Variants in EPHB3 observed in about 807,000 individuals in gnomAD.
The protein encoded by EPHB3 is EPH receptor B3.
In EPHB3, 33 loss-of-function variants were observed where a neutral mutation model predicts 100.2. The observed-to-expected ratio is 0.33, with a 90% confidence interval of 0.25 to 0.44. EPHB3 has a LOEUF of 0.44. Ranked by LOEUF, EPHB3 falls within the 20% of genes least tolerant of loss-of-function variation. The pLI is 1.00. For missense variants in EPHB3, 1,045 were observed against 1,378.3 expected (o/e 0.76, Z 3.83); for synonymous variants, 526 against 554.7 (o/e 0.95, Z 0.73).
chr3:184,575,873 C>T lies in EPHB3; in HGVS notation c.900C>T (p.Pro300=), dbSNP rs1419165157. The T allele has an allele frequency of 1.9e-6, 3 of 1,613,442 alleles. No individual in the cohort carries two copies. The highest frequency in any genetic ancestry group is 2.7e-5 in the African/African-American group (2 of 75,020). Residue 300 remains proline, a synonymous_variant, in exon 4 of 16, where the codon CCC becomes CCT. Coordinates refer to ENST00000330394, the MANE Select transcript of EPHB3 (RefSeq NM_004443.4). Reference sequence around the variant, plus strand: ...ACAAGGCGAAGCAGGGAGAGGGGCCCTGCCTCCCATGTCCCCCCAACAGCC... The same window carrying T: ...ACAAGGCGAAGCAGGGAGAGGGGCCTTGCCTCCCATGTCCCCCCAACAGCC... ...GSYKAKQGEG[P]CLPCPPNSRT... is the part of the protein sequence containing the mutation.
In EPHB3 at chr3:184,581,685, G is replaced by T; in HGVS notation, c.*63G>T. The T allele has an allele frequency of 1.4e-6, 2 of 1,433,934 alleles. No homozygotes were observed. Among genetic ancestry groups the T allele is most frequent in the South Asian group, 1.4e-5 (1 of 70,242 alleles). The allele number at this position is 1,433,934 out of a possible 1,614,324, so 88.8% of individuals were successfully genotyped here. The stretch of plus-strand genomic sequence containing the variant: ...ATGCCAAGCAGCCGGCTGGACTTTC[G>T]GACTCTTGGACTTTTGGATGCCTGG... On this transcript the variant is annotated 3_prime_UTR_variant, in exon 16 of 16. Transcript: ENST00000330394.
At position 184,571,774 on chromosome 3, in the gene EPHB3, CT is replaced by C. The variant is rs1403046781; in HGVS notation, c.183+393del. On this transcript the variant is annotated intron_variant, in intron 2 of 15. Transcript: ENST00000330394. The surrounding 1 kb of genome is among the most constrained non-coding windows in gnomAD (Gnocchi z 5.0). Reference sequence around the variant, plus strand: ...TGACCTTGGGCAAGGCCGTTTACCCCTCTGGGTGGCCACTTCTTGACTGTTA... The same window carrying C: ...TGACCTTGGGCAAGGCCGTTTACCCCCTGGGTGGCCACTTCTTGACTGTTA... Among the ~76,000 whole-genome samples the C allele has an allele frequency of 3.9e-5, 6 of 152,144 alleles. No homozygotes were observed.
At position 184,567,480 on chromosome 3, in the gene EPHB3, G is replaced by GGTGTGTGT. The variant is rs58429187; in HGVS notation, c.119-3811_119-3804dup. Among the ~76,000 whole-genome samples, 1,206 of 148,654 alleles carry GGTGTGTGT rather than the reference G, an allele frequency of 8.1e-3. 11 individuals are homozygous for GGTGTGTGT. Among genetic ancestry groups the GGTGTGTGT allele is most frequent in the African/African-American group, 0.014 (573 of 40,290 alleles). ...CCCATAAACAGAACCATGCTTGCAGGGTGTGTGTGTGTGTGTGTGTGTGTG... is the reference window on the plus strand; with the variant it reads ...CCCATAAACAGAACCATGCTTGCAGGGTGTGTGTGTGTGTGTGTGTGTGTGTGTGTGTG... On this transcript the variant is annotated intron_variant, in intron 1 of 15. Transcript: ENST00000330394.
At chr3:184,570,677 C>T (rs766528496) in intron 1 of EPHB3, among the ~76,000 whole-genome samples, 23 of 152,252 alleles carry the variant, frequency 1.5e-4, no homozygotes, top group Admixed American at 3.3e-4. Flanking sequence ...GTCTGGAGCA[C>T]ACAGCCCTTT....
rs1714290668 is a variant in EPHB3, at chr3:184,562,769, G to A, written c.118+416G>A. 6.6e-6 allele frequency among the ~76,000 whole-genome samples: 1 copy of A among 152,210 alleles called. No homozygotes were observed. Among genetic ancestry groups the A allele is most frequent in the African/African-American group, 2.4e-5 (1 of 41,464 alleles). ...GGGGCGAAGCGGGACTCCCCGGGTT[G>A]GGGGGCGCTAATGAGGAGCCCGTTG... On this transcript the variant is annotated intron_variant, in intron 1 of 15. Transcript: ENST00000330394. The surrounding 1 kb of genome is among the most constrained non-coding windows in gnomAD (Gnocchi z 4.8).
chr3:184,567,373 C>A (rs189475124), intron 1 of EPHB3, among the ~76,000 whole-genome samples: 1 of 152,284 alleles, frequency 6.6e-6, no homozygotes, highest in Admixed American at 6.5e-5. Context: ...CCTGCCTGAG[C>A]GAGAGGCACC....
At position 184,562,788 on chromosome 3, in the gene EPHB3, C is replaced by G. The variant is rs936390974; in HGVS notation, c.118+435C>G. On this transcript the variant is annotated intron_variant, in intron 1 of 15. Coordinates refer to ENST00000330394, the MANE Select transcript of EPHB3 (RefSeq NM_004443.4). This position sits in a 1 kb window ranked among gnomAD's most constrained non-coding sequence, Gnocchi z 4.8. ...CGGGTTGGGGGGCGCTAATGAGGAG[C>G]CCGTTGGAGTTAACTGTGAGAGTGT... 1.2e-4 allele frequency among the ~76,000 whole-genome samples: 19 copies of G among 152,190 alleles called. No homozygotes were observed. Among genetic ancestry groups the G allele is most frequent in the Non-Finnish European group, 2.2e-4 (15 of 68,026 alleles).
rs759318725 is a variant in EPHB3, at chr3:184,562,315, C to CGCTGCT, written c.89_94dup (p.Leu30_Leu31dup). ...CTGCTCCCTCCGCTGCTGCTGCTGC[C>CGCTGCT]GCTGCTGCTGCTGCCCGCCGGCTGC... On this transcript the variant is annotated inframe_insertion, in exon 1 of 16. Coordinates refer to ENST00000330394, the MANE Select transcript of EPHB3 (RefSeq NM_004443.4). This position sits in a 1 kb window ranked among gnomAD's most constrained non-coding sequence, Gnocchi z 4.8. 7.2e-6 allele frequency: 9 copies of CGCTGCT among 1,249,970 alleles called. No individual in the cohort carries two copies. In the East Asian group the frequency reaches 3.1e-4, roughly 42 times the overall value. The allele number at this position is 1,249,970 out of a possible 1,614,324, so 77.4% of individuals were successfully genotyped here. A position where few individuals can be genotyped will look rare whatever the true frequency, so the allele number is the denominator to read the frequency against.
In EPHB3 at chr3:184,563,046, C is replaced by CA. The variant is rs1247913478; in HGVS notation, c.118+694dup. Reference sequence around the variant, plus strand: ...TAGCAGCAGAGCCCGGCGCCTTCCTCAGTAGCTGGTGGGAAAAGGCCAGGC... The same window carrying CA: ...TAGCAGCAGAGCCCGGCGCCTTCCTCAAGTAGCTGGTGGGAAAAGGCCAGGC... On this transcript the variant is annotated intron_variant, in intron 1 of 15. Coordinates refer to ENST00000330394, the MANE Select transcript of EPHB3 (RefSeq NM_004443.4). The surrounding 1 kb of genome is among the most constrained non-coding windows in gnomAD (Gnocchi z 4.1). Among the ~76,000 whole-genome samples, 1 of 152,224 alleles carries CA rather than the reference C, an allele frequency of 6.6e-6. No homozygotes were observed. The highest frequency in any genetic ancestry group is 1.5e-5 in the Non-Finnish European group (1 of 68,046).
rs1285396138 is a variant in EPHB3, at chr3:184,578,674, A to G, written c.1801+208A>G. 6.6e-6 allele frequency among the ~76,000 whole-genome samples: 1 copy of G among 152,124 alleles called. No individual in the cohort carries two copies. Among genetic ancestry groups the G allele is most frequent in the Non-Finnish European group, 1.5e-5 (1 of 68,024 alleles). On this transcript the variant is annotated intron_variant, in intron 9 of 15. Coordinates refer to ENST00000330394, the MANE Select transcript of EPHB3 (RefSeq NM_004443.4). The surrounding 1 kb of genome is among the most constrained non-coding windows in gnomAD (Gnocchi z 4.7). Reference sequence around the variant, plus strand: ...CCTGCTAGCCCCAGAAATGACTGAGACGTGACCTCTCCCCCTAAAGGCAGT... The same window carrying G: ...CCTGCTAGCCCCAGAAATGACTGAGGCGTGACCTCTCCCCCTAAAGGCAGT...
At chr3:184,575,739 C>G in intron 3 of EPHB3, 91 bp from the exon 4 acceptor site, 1 of 1,465,894 alleles carries the variant, frequency 6.8e-7, no homozygotes, top group South Asian at 1.4e-5. Flanking sequence ...CAGACCTAGG[C>G]TGGGGAGAAG....
In EPHB3 at chr3:184,579,718, G is replaced by A; in HGVS notation, c.1956G>A (p.Leu652=). The part of the protein sequence containing the change: ...GEFGEVCRGR[L]KQPGRREVFV... ...TTGGGGAAGTGTGCCGTGGTCGACT[G>A]AAACAGCCTGGCCGCCGAGAGGTGT... The change falls in exon 11 of 16, where the codon CTG becomes CTA. Residue 652 remains leucine, a synonymous_variant. Coordinates refer to ENST00000330394, the MANE Select transcript of EPHB3 (RefSeq NM_004443.4). This position sits in a 1 kb window ranked among gnomAD's most constrained non-coding sequence, Gnocchi z 5.2. 1 of 1,612,778 alleles carries A rather than the reference G, an allele frequency of 6.2e-7. No individual in the cohort carries two copies. Among genetic ancestry groups the A allele is most frequent in the Non-Finnish European group, 8.5e-7 (1 of 1,179,168 alleles).
In EPHB3 at chr3:184,578,158, C is replaced by T. The variant is rs1440747010; in HGVS notation, c.1748+152C>T. On this transcript the variant is annotated intron_variant, in intron 8 of 15. Coordinates refer to ENST00000330394, the MANE Select transcript of EPHB3 (RefSeq NM_004443.4). The surrounding 1 kb of genome is among the most constrained non-coding windows in gnomAD (Gnocchi z 4.7). ...CCAGCCGTTGCTGGAGAAGCCCTCT[C>T]CCATCCCTGCCTGTGTCTTCATCCC... 9 of 903,930 alleles carry T rather than the reference C, an allele frequency of 1.0e-5. No individual in the cohort carries two copies. The highest frequency in any genetic ancestry group is 1.5e-5 in the Non-Finnish European group (9 of 608,560). 56.0% of individuals were successfully genotyped at this position (903,930 alleles called of 1,614,324 possible).
intron 1 of EPHB3, among the ~76,000 whole-genome samples, chr3:184,568,948 G>C (rs1010751594): frequency 6.7e-6 from 1 of 149,156 alleles, no homozygotes; most frequent in East Asian, 2.1e-4. Context: ...TGCCTCCCTC[G>C]CTCCCTCCCT....
chr3:184,570,817 G>A (rs912182668), intron 1 of EPHB3, among the ~76,000 whole-genome samples: 3 of 152,290 alleles, frequency 2.0e-5, no homozygotes, highest in Non-Finnish European at 2.9e-5. Flanking sequence ...TAGCCTGCCC[G>A]ACCTGACATC....
At chr3:184,574,528 C>A (rs1256255107) in intron 3 of EPHB3, among the ~76,000 whole-genome samples, 1 of 152,230 alleles carries the variant, frequency 6.6e-6, no homozygotes, top group Non-Finnish European at 1.5e-5. Flanking sequence ...TCCCTCTGCC[C>A]GATTCTCTTC....
intron 1 of EPHB3, among the ~76,000 whole-genome samples, chr3:184,570,027 C>G (rs1714501589): frequency 6.6e-6 from 1 of 152,340 alleles, no homozygotes; most frequent in African/African-American, 2.4e-5. Flanking sequence ...GAGCGCAGAA[C>G]CAGGTTCCTA....
In EPHB3 at chr3:184,579,942, C is replaced by T. The variant is rs1381141456; in HGVS notation, c.2172+8C>T. On this transcript the variant is annotated splice_region_variant and intron_variant, in intron 11 of 15. Transcript: ENST00000330394. This position sits in a 1 kb window ranked among gnomAD's most constrained non-coding sequence, Gnocchi z 5.2. Reference sequence around the variant, plus strand: ...CTGGACTCCTTCCTCCGGGTAAGAGCCAGCCCCCAGGCCCTCTCCCTCCCC... The same window carrying T: ...CTGGACTCCTTCCTCCGGGTAAGAGTCAGCCCCCAGGCCCTCTCCCTCCCC... The T allele has an allele frequency of 6.2e-7, 1 of 1,610,402 alleles. No homozygotes were observed. Among genetic ancestry groups the T allele is most frequent in the Non-Finnish European group, 8.5e-7 (1 of 1,178,292 alleles).
chr3:184,576,788 G>C, intron 4 of EPHB3, 54 bp from the exon 5 acceptor site: 1 of 1,490,968 alleles, frequency 6.7e-7, no homozygotes, highest in Non-Finnish European at 9.0e-7. Flanking sequence ...TCCGGGCAGA[G>C]GGATGGTCCT....
Sources: allele counts gnomAD v4.1 joint callset (sites outside exome capture counted in the v4.1 genomes callset), GRCh38; gene constraint gnomAD v4.1.1; non-coding constraint Gnocchi (gnomAD v3.1); transcripts MANE v1.5; gene names NCBI Gene and HGNC (gene_info 2026-07-23, HGNC 2026-07-21).